The following FBXL17 variants were observed in gnomAD, a reference collection of about 807,000 sequenced individuals.
FBXL17 encodes the protein F-box and leucine rich repeat protein 17, also known as F-box/LRR-repeat protein 17.
Under a neutral mutation model 66.2 loss-of-function variants are expected in FBXL17, and 22 were observed. That is an observed-to-expected ratio of 0.33 (90% confidence interval 0.24 to 0.47). The LOEUF is 0.47. Ranked by LOEUF, FBXL17 falls within the 20% of genes least tolerant of loss-of-function variation. FBXL17 has a pLI of 1.00. For synonymous variants in FBXL17, 474 were observed against 400.5 expected, an observed-to-expected ratio of 1.18 and a Z score of -2.19; for missense variants, 878 against 948.2, an observed-to-expected ratio of 0.93 and a Z score of 0.97.
At chr5:108,071,171 C>T (rs916754560) in intron 6 of FBXL17, among the ~76,000 whole-genome samples, 1 of 152,194 alleles carries the variant, frequency 6.6e-6, no homozygotes, top group African/African-American at 2.4e-5. Flanking sequence ...ACTCAGTTGT[C>T]ACACTGCAAT....
At chr5:108,262,402 T>C (rs1030792264) in intron 4 of FBXL17, among the ~76,000 whole-genome samples, 2 of 152,034 alleles carry the variant, frequency 1.3e-5, no homozygotes, top group Admixed American at 1.3e-4. Flanking sequence ...CTACATAAAA[T>C]GGAAGAAAGT....
At chr5:107,925,953 A>G (rs1750511307) in intron 7 of FBXL17, among the ~76,000 whole-genome samples, 1 of 152,218 alleles carries the variant, frequency 6.6e-6, no homozygotes, top group Admixed American at 6.6e-5. Flanking sequence ...CACCTAATGC[A>G]ATGTTTTTGC....
intron 4 of FBXL17, among the ~76,000 whole-genome samples, chr5:108,273,352 A>T (rs1757355054): frequency 6.9e-6 from 1 of 144,096 alleles, no homozygotes; most frequent in South Asian, 2.1e-4. Flanking sequence ...TAATAAAAAT[A>T]ATAATAATAA....
chr5:108,012,253 A>G (rs1172296036), intron 7 of FBXL17, among the ~76,000 whole-genome samples: 1 of 152,212 alleles, frequency 6.6e-6, no homozygotes, highest in East Asian at 1.9e-4. Flanking sequence ...ATGAAGAAAT[A>G]TATACACTTT....
At chr5:108,158,820 C>T (rs945303327) in intron 6 of FBXL17, among the ~76,000 whole-genome samples, 3 of 152,074 alleles carry the variant, frequency 2.0e-5, no homozygotes, top group African/African-American at 7.2e-5. Flanking sequence ...GGTAATCAAC[C>T]ATGAAATATT....
At chr5:107,875,268 C>T (rs1193622959) in intron 8 of FBXL17, among the ~76,000 whole-genome samples, 3 of 152,120 alleles carry the variant, frequency 2.0e-5, no homozygotes, top group Admixed American at 1.3e-4. Context: ...CCAAAACAGT[C>T]CTGGACACAG....
intron 5 of FBXL17, among the ~76,000 whole-genome samples, chr5:108,191,545 A>T (rs945143432): frequency 6.6e-6 from 1 of 152,218 alleles, no homozygotes; most frequent in Non-Finnish European, 1.5e-5. Context: ...TAGGAAAGAT[A>T]ACTGAGTGTC....
At chr5:108,374,575 C>T (rs1479646282) in intron 1 of FBXL17, among the ~76,000 whole-genome samples, 1 of 152,048 alleles carries the variant, frequency 6.6e-6, no homozygotes, top group African/African-American at 2.4e-5. Flanking sequence ...ACTAGAGAGG[C>T]TGAGGTGGGA....
In FBXL17 at chr5:108,314,279, G is replaced by A. The variant is rs530298070; in HGVS notation, c.1506+34120C>T. On this transcript the variant is annotated intron_variant, in intron 4 of 8. Coordinates refer to ENST00000542267, the MANE Select transcript of FBXL17 (RefSeq NM_001163315.3). Reference sequence around the variant, plus strand: ...AAAAGGCATCTAGCAACTGAAATACGCTCTTAAAAACAATCATGGTCTTCA... The same window carrying A: ...AAAAGGCATCTAGCAACTGAAATACACTCTTAAAAACAATCATGGTCTTCA... Among the ~76,000 whole-genome samples, 10 of 151,528 alleles carry A rather than the reference G, an allele frequency of 6.6e-5. No homozygotes were observed. The South Asian group carries it at 1.7e-3, about 25-fold the overall frequency.
chr5:108,050,725 A>G (rs945826841), intron 6 of FBXL17, among the ~76,000 whole-genome samples: 1 of 152,098 alleles, frequency 6.6e-6, no homozygotes, highest in Non-Finnish European at 1.5e-5. Context: ...GAAGAAACTA[A>G]GAGACACGAA....
At chr5:108,091,327 G>A (rs1341977292) in intron 6 of FBXL17, among the ~76,000 whole-genome samples, 3 of 152,006 alleles carry the variant, frequency 2.0e-5, no homozygotes, top group Non-Finnish European at 4.4e-5. Context: ...ACTTAAAAAC[G>A]GCCTCATTTC....
Position 108,104,184 on chromosome 5 carries a change from C to T in FBXL17, c.1745+81933G>A, listed in dbSNP as rs115912618. On this transcript the variant is annotated intron_variant, in intron 6 of 8. Coordinates refer to ENST00000542267, the MANE Select transcript of FBXL17 (RefSeq NM_001163315.3). ...CCGAGTAGCAGGGATTACAGTCATG[C>T]GCACCCACGCCTGGATAATTTTTTG... 6.4e-3 allele frequency among the ~76,000 whole-genome samples: 977 copies of T among 152,114 alleles called. 11 individuals carry two copies. The highest frequency in any genetic ancestry group is 0.023 in the African/African-American group (936 of 41,478).
intron 4 of FBXL17, among the ~76,000 whole-genome samples, chr5:108,235,272 G>C (rs1755546796): frequency 6.6e-6 from 1 of 152,128 alleles, no homozygotes; most frequent in Non-Finnish European, 1.5e-5. Flanking sequence ...TACTAATTCA[G>C]AGCCTGAAAA....
At chr5:108,106,542 G>T (rs1016947073) in intron 6 of FBXL17, among the ~76,000 whole-genome samples, 3 of 152,082 alleles carry the variant, frequency 2.0e-5, no homozygotes, top group African/African-American at 7.2e-5. Context: ...TCAGTACAAT[G>T]GAATATTATT....
intron 7 of FBXL17, among the ~76,000 whole-genome samples, chr5:107,944,100 T>C (rs572426852): frequency 9.2e-5 from 14 of 152,232 alleles, no homozygotes; most frequent in Non-Finnish European, 1.8e-4. Context: ...TCAAATGTCA[T>C]CACCATGTAA....
Position 108,381,744 on chromosome 5 carries a change from G to A in FBXL17, c.-53C>T. The A allele has an allele frequency of 2.2e-6, 3 of 1,379,244 alleles. No individual in the cohort carries two copies. The highest frequency in any genetic ancestry group is 3.2e-5 in the South Asian group (2 of 62,424). 85.4% of individuals were successfully genotyped at this position (1,379,244 alleles called of 1,614,324 possible). A position where few individuals can be genotyped will look rare whatever the true frequency, so the allele number is the denominator to read the frequency against. On this transcript the variant is annotated 5_prime_UTR_variant, in exon 1 of 9. Coordinates refer to ENST00000542267, the MANE Select transcript of FBXL17 (RefSeq NM_001163315.3). Reference sequence around the variant, plus strand: ...GACGGGAGGGAGGGAGACCCAGAGAGGCGGGCTCCCGGCAGCGGGGCAGGC... The same window carrying A: ...GACGGGAGGGAGGGAGACCCAGAGAAGCGGGCTCCCGGCAGCGGGGCAGGC...
At chr5:107,958,191 G>GTT (rs1751741192) in intron 7 of FBXL17, among the ~76,000 whole-genome samples, 1 of 151,286 alleles carries the variant, frequency 6.6e-6, no homozygotes, top group Non-Finnish European at 1.5e-5. Context: ...GATAGCCCAG[G>GTT]TTCTGTCTTT....
chr5:108,121,409 A>G (rs968001641), intron 6 of FBXL17, among the ~76,000 whole-genome samples: 1 of 152,194 alleles, frequency 6.6e-6, no homozygotes. Context: ...ACACATTTAT[A>G]TGCTCTACAC....
At position 108,074,742 on chromosome 5, in the gene FBXL17, C is replaced by T. The variant is rs958218787; in HGVS notation, c.1746-53741G>A. Among the ~76,000 whole-genome samples, 6 of 152,118 alleles carry T rather than the reference C, an allele frequency of 3.9e-5. No homozygotes were observed. The East Asian group carries it at 7.7e-4, about 20-fold the overall frequency. On this transcript the variant is annotated intron_variant, in intron 6 of 8. Transcript: ENST00000542267. The stretch of plus-strand genomic sequence containing the variant: ...CTGCTCTCTTTTGTATTACATTACC[C>T]GATCGCTTTGGCTTTTGTGGGTACC...
Sources: gnomAD v4.1 joint callset for allele counts (sites outside exome capture counted in the v4.1 genomes callset) on GRCh38, gnomAD v4.1.1 for gene constraint, MANE v1.5 for transcripts, NCBI Gene and HGNC (gene_info 2026-07-23, HGNC 2026-07-21) for gene names.